GABRG2: variants seen among roughly 807,000 people sequenced by gnomAD.
The protein encoded by GABRG2 is gamma-aminobutyric acid receptor subunit gamma-2.
In GABRG2, 16 loss-of-function variants were observed where a neutral mutation model predicts 56.4. The observed-to-expected ratio is 0.28, with a 90% CI of 0.19 to 0.43. The LOEUF (loss-of-function observed/expected upper bound fraction) is 0.43. GABRG2 is among the 20% of genes least tolerant of loss of function. The pLI is 1.00. For missense variants in GABRG2, 327 were observed against 582.7 expected (o/e 0.56, Z 4.52); for synonymous variants, 208 against 205.5 (o/e 1.01, Z -0.10).
At chr5:162,140,283 G>T (rs1452441238) in intron 6 of GABRG2, among the ~76,000 whole-genome samples, 1 of 152,178 alleles carries the variant, frequency 6.6e-6, no homozygotes, top group Non-Finnish European at 1.5e-5. Flanking sequence ...ACCTCAGCCA[G>T]GTCTGACTTA....
intron 1 of GABRG2, among the ~76,000 whole-genome samples, chr5:162,081,566 A>AAG (rs1158737190): frequency 3.5e-4 from 53 of 152,148 alleles, no homozygotes; most frequent in African/African-American, 1.1e-3. Flanking sequence ...TTTTCTTTCA[A>AAG]GAATATAATT....
intron 6 of GABRG2, among the ~76,000 whole-genome samples, chr5:162,122,240 C>T (rs1482569580): frequency 6.6e-6 from 1 of 151,930 alleles, no homozygotes; most frequent in African/African-American, 2.4e-5. Flanking sequence ...GTTGCATTGG[C>T]TAAACAGCGA....
chr5:162,113,259 G>A (rs1762383548), intron 6 of GABRG2, among the ~76,000 whole-genome samples: 2 of 151,874 alleles, frequency 1.3e-5, no homozygotes, highest in South Asian at 2.1e-4. Flanking sequence ...TTTGTATAAG[G>A]GTATCTCTGC....
intron 6 of GABRG2, among the ~76,000 whole-genome samples, chr5:162,122,807 G>A (rs1193028016): frequency 6.6e-6 from 1 of 151,356 alleles, no homozygotes; most frequent in Non-Finnish European, 1.5e-5. Context: ...CATGAATTTT[G>A]AGCCCATTAA....
At chr5:162,139,759 C>T (rs189340985) in intron 6 of GABRG2, among the ~76,000 whole-genome samples, 74 of 152,194 alleles carry the variant, frequency 4.9e-4, no homozygotes, top group East Asian at 3.5e-3. Flanking sequence ...CATGATAATT[C>T]GTAATTTTTT....
chr5:162,103,948 G>A lies in GABRG2; in HGVS notation c.691G>A (p.Asp231Asn), dbSNP rs773065895. ...QWKRSSVEVG[D>N]TRSWRLYQFS... is the part of the protein sequence containing the mutation. ...GAAGCGAAGTTCTGTTGAAGTGGGC[G>A]ACACAAGATCCTGGAGGCTTTATCA... Residue 231 changes from aspartate (D) to asparagine (N), a missense_variant, in exon 6 of 10, where the codon GAC becomes AAC. Physicochemically the swap from Asp to Asn is conservative, Grantham distance 23 (BLOSUM62 1). This residue lies in a region of GABRG2 where 104 missense variants were observed against 209.3 expected (regional missense o/e 0.50). Transcript: ENST00000639213. 24 of 1,613,898 alleles carry A rather than the reference G, an allele frequency of 1.5e-5. No homozygotes were observed. Among genetic ancestry groups the A allele is most frequent in the East Asian group, 2.2e-5 (1 of 44,822 alleles).
At chr5:162,150,595 T>A (rs1237826429) in intron 8 of GABRG2, 1 of 152,202 alleles carries the variant, frequency 6.6e-6, no homozygotes, top group Non-Finnish European at 1.5e-5. Flanking sequence ...GAGAATCACC[T>A]GACAATCCTG....
At chr5:162,096,093 A>G (rs1331566988) in intron 3 of GABRG2, among the ~76,000 whole-genome samples, 1 of 151,948 alleles carries the variant, frequency 6.6e-6, no homozygotes, top group Non-Finnish European at 1.5e-5. Flanking sequence ...AGTATTCTAT[A>G]TTATACAATA....
rs184725064 is a variant in GABRG2, at chr5:162,154,561, T to C, written c.*1193T>C. 312 of 152,302 alleles carry C rather than the reference T, an allele frequency of 2.0e-3. 1 individual carries two copies. Among genetic ancestry groups the C allele is most frequent in the African/African-American group, 7.1e-3 (296 of 41,590 alleles). The allele number at this position is 152,302 out of a possible 1,614,324, so 9.4% of individuals were successfully genotyped here. On this transcript the variant is annotated 3_prime_UTR_variant, in exon 10 of 10. Coordinates refer to ENST00000639213, the MANE Select transcript of GABRG2 (RefSeq NM_198904.4). ...GGATCCAAAGAACTTTAGCTATTTA[T>C]GTTCATCTTCAAAAAATTATTTTAG...
At position 162,141,487 on chromosome 5, in the gene GABRG2, C is replaced by G. The variant is rs190944876; in HGVS notation, c.770-677C>G. Among the ~76,000 whole-genome samples the G allele has an allele frequency of 2.3e-4, 35 of 152,250 alleles. No homozygotes were observed. The East Asian group carries it at 4.6e-3, about 20-fold the overall frequency. Reference sequence around the variant, plus strand: ...TGTTTTGAGTCATGCAGAATGCTAACTACTAGTTTGCAATGGTGAGCTTAA... The same window carrying G: ...TGTTTTGAGTCATGCAGAATGCTAAGTACTAGTTTGCAATGGTGAGCTTAA... On this transcript the variant is annotated intron_variant, in intron 6 of 9. Coordinates refer to ENST00000639213, the MANE Select transcript of GABRG2 (RefSeq NM_198904.4).
At chr5:162,098,757 G>A (rs1761185883) in intron 4 of GABRG2, 1 of 152,032 alleles carries the variant, frequency 6.6e-6, no homozygotes, top group Non-Finnish European at 1.5e-5. Context: ...GTTTTTACAT[G>A]GTTATGTTTT....
chr5:162,145,086 C>G (rs1764857218), intron 7 of GABRG2, among the ~76,000 whole-genome samples: 2 of 152,132 alleles, frequency 1.3e-5, no homozygotes, highest in Admixed American at 1.3e-4. Context: ...ATGAGAGGAC[C>G]TTAAGCACAC....
chr5:162,093,733 T>C (rs1760784584), intron 1 of GABRG2, 95 bp from the exon 2 acceptor site: 4 of 1,174,246 alleles, frequency 3.4e-6, no homozygotes, highest in Middle Eastern at 1.9e-4. Context: ...ATTTCTTTTA[T>C]CCTGTTTTAT....
At chr5:162,147,981 T>A (rs1765088867) in intron 7 of GABRG2, among the ~76,000 whole-genome samples, 1 of 152,204 alleles carries the variant, frequency 6.6e-6, no homozygotes, top group African/African-American at 2.4e-5. Context: ...AGTGTTAAGA[T>A]AACTTAAGTT....
At chr5:162,150,801 A>G (rs1010590166) in intron 8 of GABRG2, 5 of 152,246 alleles carry the variant, frequency 3.3e-5, no homozygotes, top group South Asian at 2.1e-4. Context: ...AAAGAAAGAA[A>G]CATCATTATT....
At chr5:162,101,538 T>G (rs1761416671) in intron 5 of GABRG2, 2 of 564,580 alleles carry the variant, frequency 3.5e-6, no homozygotes, top group South Asian at 4.1e-5. Flanking sequence ...TACAATAGGT[T>G]TCCTTGAGTT....
Position 162,067,891 on chromosome 5 carries a change from G to T in GABRG2, c.-109G>T, listed in dbSNP as rs1055158332. 9 of 768,186 alleles carry T rather than the reference G, an allele frequency of 1.2e-5. No individual in the cohort carries two copies. The highest frequency in any genetic ancestry group is 2.1e-5 in the Non-Finnish European group (9 of 436,510). 47.6% of individuals were successfully genotyped at this position (768,186 alleles called of 1,614,324 possible). A position where few individuals can be genotyped will look rare whatever the true frequency, so the allele number is the denominator to read the frequency against. Reference sequence around the variant, plus strand: ...CTCCCCAGTGAAGGACCTACTAGAGGCAGGTGGGGGGAGCCACCATCAGAT... The same window carrying T: ...CTCCCCAGTGAAGGACCTACTAGAGTCAGGTGGGGGGAGCCACCATCAGAT... On this transcript the variant is annotated 5_prime_UTR_variant, in exon 1 of 10. Coordinates refer to ENST00000639213, the MANE Select transcript of GABRG2 (RefSeq NM_198904.4).
At chr5:162,137,058 A>G (rs1438603826) in intron 6 of GABRG2, among the ~76,000 whole-genome samples, 3 of 152,144 alleles carry the variant, frequency 2.0e-5, no homozygotes, top group African/African-American at 7.2e-5. Context: ...TGATGAATGC[A>G]GAAACTGCTT....
chr5:162,084,308 A>C (rs2113220580), intron 1 of GABRG2, among the ~76,000 whole-genome samples: 1 of 152,004 alleles, frequency 6.6e-6, no homozygotes, highest in East Asian at 1.9e-4. Flanking sequence ...AGGAAATGCT[A>C]ATACGGGGCT....
Sources: allele counts gnomAD v4.1 joint callset (sites outside exome capture counted in the v4.1 genomes callset), GRCh38; gene constraint gnomAD v4.1.1; regional missense constraint gnomAD v4.1.1; transcripts MANE v1.5; gene names NCBI Gene and HGNC (gene_info 2026-07-23, HGNC 2026-07-21).